The following CCDC138 variants were observed in gnomAD, a reference collection of about 807,000 sequenced individuals.
CCDC138 encodes coiled-coil domain-containing protein 138.
CCDC138 carries 66 observed loss-of-function variants against 82.3 expected under a neutral mutation model. The observed-to-expected ratio is 0.80, with a 90% CI of 0.66 to 0.98. The LOEUF (loss-of-function observed/expected upper bound fraction) is 0.98, where lower values mean the gene tolerates loss of function less well. CCDC138 is among the 50% of genes least tolerant of loss of function. The pLI is 0.00. For missense variants in CCDC138, 816 were observed against 758.9 expected, an observed-to-expected ratio of 1.08 and a Z score of -0.88; for synonymous variants, 297 against 265.4, an observed-to-expected ratio of 1.12 and a Z score of -1.16.
intron 11 of CCDC138, among the ~76,000 whole-genome samples, chr2:108,843,927 G>A (rs1197790731): frequency 9.6e-6 from 1 of 104,484 alleles, no homozygotes; most frequent in Non-Finnish European, 1.8e-5. Context: ...GTCTTGCTCT[G>A]TTGCCCAGGC....
Position 108,788,081 on chromosome 2 carries a change from C to A in CCDC138, c.143C>A (p.Thr48Asn). 6.2e-7 allele frequency: 1 copy of A among 1,600,088 alleles called. No homozygotes were observed. Among genetic ancestry groups the A allele is most frequent in the Non-Finnish European group, 8.5e-7 (1 of 1,175,062 alleles). ...TCTAAGTATAAGAGAAGAACTCTAA[C>A]CTCCCCAGGTAAGCCGGTATTTTGT... Reference protein sequence around the residue: ...YQSKYKRRTLTSPGDLDIYSG... With the variant: ...YQSKYKRRTLNSPGDLDIYSG... The change falls in exon 2 of 15, where the codon ACC becomes AAC. Residue 48 changes from threonine to asparagine, a missense_variant. By Grantham distance (65) the Thr-to-Asn change is moderately conservative. Transcript: ENST00000295124.
In CCDC138 at chr2:108,846,868, A is replaced by C. The variant is rs1690583941; in HGVS notation, c.1454A>C (p.Lys485Thr). ...ENKPKTAAFFKSSNLPLRFLS... is the reference protein window; with the variant it reads ...ENKPKTAAFFTSSNLPLRFLS... ...AAACCAAAGACAGCTGCTTTCTTTA[A>C]GAGCTCCAATTTGCCATTGAGATTT... The change falls in exon 12 of 15, where the codon AAG becomes ACG. Residue 485 changes from lysine to threonine, a missense_variant. Physicochemically the swap from Lys to Thr is moderately conservative, Grantham distance 78 (BLOSUM62 -1). Transcript: ENST00000295124. 2 of 1,613,852 alleles carry C rather than the reference A, an allele frequency of 1.2e-6. No homozygotes were observed. The highest frequency in any genetic ancestry group is 8.5e-7 in the Non-Finnish European group (1 of 1,179,852).
chr2:108,877,992 C>G (rs1195123857), downstream of CCDC138, among the ~76,000 whole-genome samples: 1 of 152,092 alleles, frequency 6.6e-6, no homozygotes, highest in African/African-American at 2.4e-5. Flanking sequence ...GTGAAGATGC[C>G]TTTCATAAGT....
chr2:108,812,526 C>A, intron 7 of CCDC138, 105 bp from the exon 8 acceptor site: 2 of 781,232 alleles, frequency 2.6e-6, no homozygotes, highest in African/African-American at 1.7e-5. Context: ...TGTTTTGTTA[C>A]ATTGGTTAGT....
intron 13 of CCDC138, among the ~76,000 whole-genome samples, chr2:108,861,472 C>CTTTTTTTTTTTTTTTTTTTTTTTTTTT (rs201132350): frequency 8.1e-6 from 1 of 123,552 alleles, no homozygotes; most frequent in South Asian, 2.7e-4. Flanking sequence ...AACTTTCTTC[C>CTTTTTTTTTTTTTTTTTTTTTTTTTTT]TTTTTTTTTT....
chr2:108,794,092 C>A (rs1389700545), intron 4 of CCDC138, among the ~76,000 whole-genome samples: 45 of 151,960 alleles, frequency 3.0e-4, no homozygotes, highest in Admixed American at 2.8e-3. Flanking sequence ...AATATAATTA[C>A]ATATAAAATA....
intron 10 of CCDC138, among the ~76,000 whole-genome samples, chr2:108,833,295 CA>C (rs1272284242): frequency 2.6e-5 from 4 of 152,278 alleles, no homozygotes; most frequent in African/African-American, 9.6e-5. Flanking sequence ...AAATGTACCA[CA>C]CTGGTAAAGA....
At chr2:108,796,189 C>T (rs1487309422) in intron 5 of CCDC138, among the ~76,000 whole-genome samples, 1 of 152,078 alleles carries the variant, frequency 6.6e-6, no homozygotes, top group African/African-American at 2.4e-5. Flanking sequence ...GCTGGGACTA[C>T]AGGCACCTGC....
intron 11 of CCDC138, among the ~76,000 whole-genome samples, chr2:108,844,206 C>T (rs1393632526): frequency 6.6e-6 from 1 of 151,996 alleles, no homozygotes; most frequent in Non-Finnish European, 1.5e-5. Context: ...CTTTCCTGGA[C>T]TCTAATGACG....
At chr2:108,853,642 T>G (rs944974930) in intron 12 of CCDC138, among the ~76,000 whole-genome samples, 4 of 150,348 alleles carry the variant, frequency 2.7e-5, no homozygotes. Flanking sequence ...TCCTCTTGCC[T>G]CAGGCTTCCA....
chr2:108,840,124 C>A (rs1349778727), intron 11 of CCDC138, among the ~76,000 whole-genome samples: 1 of 151,812 alleles, frequency 6.6e-6, no homozygotes, highest in African/African-American at 2.4e-5. Context: ...TGTTCTTTTT[C>A]ATCTTTAACT....
intron 9 of CCDC138, among the ~76,000 whole-genome samples, chr2:108,813,162 T>C (rs533658051): frequency 4.2e-5 from 6 of 144,564 alleles, no homozygotes; most frequent in African/African-American, 1.3e-4. Context: ...GGCAGGAGAA[T>C]TGCTGGAACC....
chr2:108,849,733 T>G (rs996106978), intron 12 of CCDC138, among the ~76,000 whole-genome samples: 1 of 152,218 alleles, frequency 6.6e-6, no homozygotes, highest in African/African-American at 2.4e-5. Context: ...AGTTCTCCCT[T>G]TCCTTATAGT....
chr2:108,793,090 G>T (rs1680189299), intron 4 of CCDC138, among the ~76,000 whole-genome samples: 1 of 146,232 alleles, frequency 6.8e-6, no homozygotes, highest in Non-Finnish European at 1.5e-5. Context: ...GGGCACGGTG[G>T]CTCGTGCCTG....
intron 12 of CCDC138, among the ~76,000 whole-genome samples, chr2:108,853,890 AGT>A (rs1558737054): frequency 1.6e-5 from 2 of 123,898 alleles, no homozygotes; most frequent in African/African-American, 6.4e-5. Context: ...TATATTATAT[AGT>A]ATATATATTA....
intron 7 of CCDC138, among the ~76,000 whole-genome samples, chr2:108,807,786 T>A (rs1683121548): frequency 1.3e-5 from 2 of 151,976 alleles, no homozygotes; most frequent in African/African-American, 4.8e-5. Flanking sequence ...CCTGGCTAAT[T>A]TTTGTATTTT....
intron 11 of CCDC138, among the ~76,000 whole-genome samples, chr2:108,843,560 G>C (rs985642681): frequency 1.3e-5 from 2 of 152,160 alleles, no homozygotes; most frequent in African/African-American, 4.8e-5. Context: ...AGATTCTAGT[G>C]TGACAGTTCT....
Position 108,873,299 on chromosome 2 carries a change from TGA to T in CCDC138, c.1694-151_1694-150del. On this transcript the variant is annotated intron_variant, in intron 13 of 14. Coordinates refer to ENST00000295124, the MANE Select transcript of CCDC138 (RefSeq NM_144978.3). ...CCAGTGGATGTTTTAATTTTTCAAA[TGA>T]TGATATTTTCACTCAAAAATTTAAG... The T allele has an allele frequency of 2.4e-3, 95 of 38,820 alleles. 43 individuals are homozygous for T. Among genetic ancestry groups the T allele is most frequent in the Middle Eastern group, 9.1e-3 (2 of 220 alleles). The allele number at this position is 38,820 out of a possible 1,614,324, so 2.4% of individuals were successfully genotyped here. A position where few individuals can be genotyped will look rare whatever the true frequency, so the allele number is the denominator to read the frequency against.
chr2:108,787,912 G>A (rs1679179102), intron 1 of CCDC138, 120 bp from the exon 2 acceptor site: 2 of 830,490 alleles, frequency 2.4e-6, no homozygotes, highest in Admixed American at 3.2e-5. Context: ...TGGTTAAGAT[G>A]GTGTCTACAA....
Sources: allele counts gnomAD v4.1 joint callset (sites outside exome capture counted in the v4.1 genomes callset), GRCh38; gene constraint gnomAD v4.1.1; transcripts MANE v1.5; gene names NCBI Gene and HGNC (gene_info 2026-07-23, HGNC 2026-07-21).